The following FHOD3 variants were observed in gnomAD, a reference collection of about 807,000 sequenced individuals.
FHOD3 encodes the protein formin homology 2 domain containing 3, also known as FH1/FH2 domain-containing protein 3.
Under a neutral mutation model 173.0 loss-of-function variants are expected in FHOD3, and 90 were observed. The observed-to-expected ratio is 0.52, with a 90% CI of 0.44 to 0.62. FHOD3 has a LOEUF of 0.62. Ranked by LOEUF, FHOD3 falls within the 20% of genes least tolerant of loss-of-function variation. FHOD3 has a pLI of 0.00. For missense variants in FHOD3, 1,945 were observed against 2,034.7 expected (o/e 0.96, Z 0.85); for synonymous variants, 828 against 823.0 (o/e 1.01, Z -0.10).
At chr18:36,368,672 G>C (rs1016813546) in intron 2 of FHOD3, among the ~76,000 whole-genome samples, 1 of 152,156 alleles carries the variant, frequency 6.6e-6, no homozygotes, top group African/African-American at 2.4e-5. Context: ...AATTTATAAA[G>C]GAAAGAGGTT....
In FHOD3 at chr18:36,747,053, A is replaced by G. The variant is rs1397567187; in HGVS notation, c.4150A>G (p.Lys1384Glu). ...IAKHEMKPVL[K>E]QRMSEFLKDC... ...AAAACATGAAATGAAACCAGTTTTAAAACAACGGATGTCAGAGTTCCTGAA... is the reference window on the plus strand; with the variant it reads ...AAAACATGAAATGAAACCAGTTTTAGAACAACGGATGTCAGAGTTCCTGAA... The change falls in exon 24 of 29, where the codon AAA (lysine) becomes GAA (glutamate). Residue 1384 changes from lysine (K) to glutamate (E), a missense_variant. By Grantham distance (56) the Lys-to-Glu change is moderately conservative (BLOSUM62 1). Transcript: ENST00000590592. The G allele has an allele frequency of 5.0e-6, 8 of 1,614,072 alleles. No individual in the cohort carries two copies. The highest frequency in any genetic ancestry group is 6.8e-6 in the Non-Finnish European group (8 of 1,180,040).
At chr18:36,357,409 C>A (rs1004839216) in intron 2 of FHOD3, among the ~76,000 whole-genome samples, 1 of 152,174 alleles carries the variant, frequency 6.6e-6, no homozygotes, top group Non-Finnish European at 1.5e-5. Flanking sequence ...TGGCGCATTG[C>A]CAGAATGGAT....
At chr18:36,552,502 C>CT (rs200765398) in intron 5 of FHOD3, among the ~76,000 whole-genome samples, 6,117 of 142,016 alleles carry the variant, frequency 0.043, 147 homozygotes, top group Non-Finnish European at 0.054. Flanking sequence ...TTTTCTTTTT[C>CT]TTTTTTTTTT....
chr18:36,576,360 A>C, intron 5 of FHOD3, 91 bp from the exon 6 acceptor site: 1 of 827,158 alleles, frequency 1.2e-6, no homozygotes, highest in Non-Finnish European at 1.9e-6. Flanking sequence ...TGTGTACTTA[A>C]AGTATGAAAA....
chr18:36,336,847 T>TAAA (rs2045339306), intron 1 of FHOD3, among the ~76,000 whole-genome samples: 1 of 6,918 alleles, frequency 1.4e-4, no homozygotes, highest in African/African-American at 4.5e-4. Flanking sequence ...AAACTCCGTC[T>TAAA]CAAAAAAAAA....
intron 5 of FHOD3, among the ~76,000 whole-genome samples, chr18:36,534,208 G>GCTT (rs1304782341): frequency 6.6e-6 from 1 of 152,256 alleles, no homozygotes; most frequent in Non-Finnish European, 1.5e-5. Flanking sequence ...CCCTGCTGCT[G>GCTT]CTTCTCCTAT....
At chr18:36,528,186 G>C (rs993468775) in intron 5 of FHOD3, among the ~76,000 whole-genome samples, 1 of 152,206 alleles carries the variant, frequency 6.6e-6, no homozygotes, top group Non-Finnish European at 1.5e-5. Flanking sequence ...GAACAAACCT[G>C]TAGCACTAGG....
At chr18:36,592,612 G>A (rs946420305) in intron 6 of FHOD3, among the ~76,000 whole-genome samples, 12 of 152,166 alleles carry the variant, frequency 7.9e-5, no homozygotes, top group Admixed American at 3.3e-4. Flanking sequence ...CTCTGGCTGC[G>A]GTTTGGAGAA....
At chr18:36,552,192 C>G (rs2057686486) in intron 5 of FHOD3, among the ~76,000 whole-genome samples, 1 of 152,114 alleles carries the variant, frequency 6.6e-6, no homozygotes, top group African/African-American at 2.4e-5. Flanking sequence ...GTTTGTAGTT[C>G]TCTTTGAAGA....
chr18:36,542,475 A>G (rs1373441028), intron 5 of FHOD3, among the ~76,000 whole-genome samples: 1 of 152,186 alleles, frequency 6.6e-6, no homozygotes, highest in African/African-American at 2.4e-5. Context: ...AGGAAAGGCC[A>G]CTCAATTTCA....
chr18:36,702,203 AGAG>A (rs963792129), intron 17 of FHOD3, among the ~76,000 whole-genome samples: 11 of 152,288 alleles, frequency 7.2e-5, no homozygotes, highest in African/African-American at 1.4e-4. Context: ...CCACAATAGC[AGAG>A]GAGAAGTGGA....
chr18:36,367,975 C>T (rs1189792092), intron 2 of FHOD3, among the ~76,000 whole-genome samples: 2 of 152,166 alleles, frequency 1.3e-5, no homozygotes, highest in East Asian at 3.9e-4. Context: ...TTACCTTCCA[C>T]CATGATGGTG....
At chr18:36,699,016 C>G (rs954621384) in intron 17 of FHOD3, among the ~76,000 whole-genome samples, 8 of 152,128 alleles carry the variant, frequency 5.3e-5, no homozygotes, top group African/African-American at 1.9e-4. Flanking sequence ...ATAAACCAAC[C>G]AGATCTTTGC....
chr18:36,589,149 A>G (rs2059131251), intron 6 of FHOD3, among the ~76,000 whole-genome samples: 1 of 152,356 alleles, frequency 6.6e-6, no homozygotes, highest in South Asian at 2.1e-4. Flanking sequence ...AATCATTATG[A>G]AATGTGTAAC....
At chr18:36,774,698 A>T (rs1008600152) in intron 28 of FHOD3, among the ~76,000 whole-genome samples, 11 of 152,232 alleles carry the variant, frequency 7.2e-5, no homozygotes, top group Non-Finnish European at 7.3e-5. Flanking sequence ...AAAAGTTGCA[A>T]AAATAGTAGG....
chr18:36,683,167 G>C (rs2038369437), intron 15 of FHOD3, among the ~76,000 whole-genome samples: 1 of 152,210 alleles, frequency 6.6e-6, no homozygotes, highest in East Asian at 1.9e-4. Flanking sequence ...CATGAGGGTA[G>C]TTCTGGAAGT....
chr18:36,655,629 T>C (rs1299419886), intron 13 of FHOD3, among the ~76,000 whole-genome samples: 1 of 152,230 alleles, frequency 6.6e-6, no homozygotes, highest in Non-Finnish European at 1.5e-5. Flanking sequence ...TGATGTTCAC[T>C]TTTTGTGGTT....
At chr18:36,726,996 T>G (rs952457638) in intron 19 of FHOD3, among the ~76,000 whole-genome samples, 3 of 151,204 alleles carry the variant, frequency 2.0e-5, no homozygotes, top group African/African-American at 4.9e-5. Context: ...TTAGCAAGAG[T>G]AGGATGGATG....
At chr18:36,678,334 C>T (rs368961548) in intron 14 of FHOD3, among the ~76,000 whole-genome samples, 39 of 151,922 alleles carry the variant, frequency 2.6e-4, no homozygotes, top group East Asian at 9.7e-4. Context: ...CCCAAGAGTT[C>T]GAGACCAGCT....
Sources: allele counts gnomAD v4.1 joint callset (sites outside exome capture counted in the v4.1 genomes callset), GRCh38; gene constraint gnomAD v4.1.1; transcripts MANE v1.5; gene names NCBI Gene and HGNC (gene_info 2026-07-23, HGNC 2026-07-21).